FSTL4: variants seen among roughly 807,000 people sequenced by gnomAD.
FSTL4 encodes the protein follistatin like 4.
FSTL4 carries 28 observed loss-of-function variants against 78.2 expected under a neutral mutation model. The observed-to-expected ratio is 0.36, with a 90% CI of 0.27 to 0.49. The LOEUF (loss-of-function observed/expected upper bound fraction) is 0.49, where lower values mean the gene tolerates loss of function less well. Among genes scored for constraint, FSTL4 ranks in the 20% least tolerant of loss-of-function variants. The pLI is 0.98. For missense variants in FSTL4, 922 were observed against 1,084.9 expected (o/e 0.85, Z 2.11); for synonymous variants, 422 against 440.5 (o/e 0.96, Z 0.53).
intron 4 of FSTL4, among the ~76,000 whole-genome samples, chr5:133,395,245 T>C (rs1304376629): frequency 1.3e-5 from 2 of 152,146 alleles, no homozygotes; most frequent in Non-Finnish European, 2.9e-5. Flanking sequence ...TGCTCACTCT[T>C]TGGGTCCGCA....
At chr5:133,757,295 T>C in the FSTL4 span, among the ~76,000 whole-genome samples, 1 of 152,244 alleles carries the variant, frequency 6.6e-6, no homozygotes, top group African/African-American at 2.4e-5. Context: ...GTATAATCAA[T>C]ATAAACATTT....
At chr5:133,619,796 C>A in the FSTL4 span, among the ~76,000 whole-genome samples, 4 of 152,182 alleles carry the variant, frequency 2.6e-5, no homozygotes, top group Non-Finnish European at 2.9e-5. Flanking sequence ...GACCTGCAAG[C>A]CTTTCACTAC....
intron 11 of FSTL4, among the ~76,000 whole-genome samples, chr5:133,221,230 T>C (rs73790239): frequency 0.021 from 3,245 of 152,328 alleles, 121 homozygotes; most frequent in African/African-American, 0.073. Context: ...CACATCAGGA[T>C]GGATCAGTGG....
the FSTL4 span, among the ~76,000 whole-genome samples, chr5:133,724,897 C>G: frequency 6.6e-6 from 1 of 152,192 alleles, no homozygotes; most frequent in Non-Finnish European, 1.5e-5. Context: ...TTGTGCATGG[C>G]ATGAAGTAAA....
chr5:133,220,877 C>A lies in FSTL4; in HGVS notation c.1340-11G>T. The A allele has an allele frequency of 6.7e-7, 1 of 1,484,816 alleles. No homozygotes were observed. The allele number at this position is 1,484,816 out of a possible 1,614,324, so 92.0% of individuals were successfully genotyped here. On this transcript the variant is annotated splice_polypyrimidine_tract_variant and intron_variant, in intron 11 of 15. Coordinates refer to ENST00000265342, the MANE Select transcript of FSTL4 (RefSeq NM_015082.2). Reference sequence around the variant, plus strand: ...TTCCCACGCTGAGGCCTGGGAGGAGCAAATGGAATGGGCATGCCCTCCAAG... The same window carrying A: ...TTCCCACGCTGAGGCCTGGGAGGAGAAAATGGAATGGGCATGCCCTCCAAG...
chr5:133,745,806 G>A, the FSTL4 span, among the ~76,000 whole-genome samples: 1 of 152,356 alleles, frequency 6.6e-6, no homozygotes, highest in Non-Finnish European at 1.5e-5. Context: ...TCTGAGGTTA[G>A]ATCGATTCCA....
At chr5:133,302,751 C>A (rs890018280) in intron 6 of FSTL4, among the ~76,000 whole-genome samples, 1 of 152,222 alleles carries the variant, frequency 6.6e-6, no homozygotes, top group African/African-American at 2.4e-5. Flanking sequence ...GCTCACCCGG[C>A]GCATGCCACA....
intron 4 of FSTL4, among the ~76,000 whole-genome samples, chr5:133,354,314 C>G (rs921218453): frequency 5.9e-5 from 9 of 152,178 alleles, no homozygotes; most frequent in African/African-American, 2.2e-4. Flanking sequence ...GACAGAGGAG[C>G]GCACAATCCC....
At chr5:133,706,505 T>C in the FSTL4 span, among the ~76,000 whole-genome samples, 16 of 152,236 alleles carry the variant, frequency 1.1e-4, no homozygotes, top group Non-Finnish European at 2.2e-4. Flanking sequence ...TAATAACTGA[T>C]GAGACTGAAG....
chr5:133,476,538 G>T (rs1485659750), intron 3 of FSTL4, among the ~76,000 whole-genome samples: 1 of 152,198 alleles, frequency 6.6e-6, no homozygotes, highest in African/African-American at 2.4e-5. Flanking sequence ...TGCATGATGG[G>T]AAAGCTAGTT....
the FSTL4 span, among the ~76,000 whole-genome samples, chr5:133,741,487 G>A: frequency 2.0e-5 from 3 of 152,184 alleles, no homozygotes; most frequent in African/African-American, 4.8e-5. Flanking sequence ...AAACTTTCTC[G>A]GCAGAGGGTG....
intron 4 of FSTL4, among the ~76,000 whole-genome samples, chr5:133,390,241 C>A (rs1228723765): frequency 6.6e-6 from 1 of 152,248 alleles, no homozygotes; most frequent in African/African-American, 2.4e-5. Context: ...ATTTTAATTA[C>A]CTGCAAGCAA....
At chr5:133,404,736 T>C (rs1264271381) in intron 3 of FSTL4, among the ~76,000 whole-genome samples, 1 of 152,002 alleles carries the variant, frequency 6.6e-6, no homozygotes, top group Admixed American at 6.5e-5. Context: ...GTGGAAGGCA[T>C]AAAAGGAGGC....
At chr5:133,551,675 G>T (rs1759694161) in intron 3 of FSTL4, among the ~76,000 whole-genome samples, 1 of 152,174 alleles carries the variant, frequency 6.6e-6, no homozygotes, top group African/African-American at 2.4e-5. Flanking sequence ...GTATCTTTGG[G>T]ATAAACACAC....
chr5:133,759,552 A>G, the FSTL4 span, among the ~76,000 whole-genome samples: 1 of 152,236 alleles, frequency 6.6e-6, no homozygotes, highest in African/African-American at 2.4e-5. Context: ...ATGGCCTTAA[A>G]GTCCAACAAT....
the FSTL4 span, among the ~76,000 whole-genome samples, chr5:133,712,611 C>G: frequency 2.0e-5 from 3 of 152,224 alleles, no homozygotes; most frequent in African/African-American, 7.2e-5. Context: ...TAAAATTTCA[C>G]TTTGAGAAAC....
the FSTL4 span, among the ~76,000 whole-genome samples, chr5:133,698,302 G>A: frequency 6.6e-6 from 1 of 152,184 alleles, no homozygotes; most frequent in Admixed American, 6.5e-5. Context: ...CATCTGTACT[G>A]AGGGCTGAGC....
intron 3 of FSTL4, among the ~76,000 whole-genome samples, chr5:133,549,383 C>G (rs749465653): frequency 6.3e-4 from 96 of 152,074 alleles, no homozygotes; most frequent in Non-Finnish European, 9.4e-4. Context: ...TTTCAATTAC[C>G]TTTTTTAATT....
At chr5:133,711,816 A>G in the FSTL4 span, among the ~76,000 whole-genome samples, 1 of 152,158 alleles carries the variant, frequency 6.6e-6, no homozygotes, top group Admixed American at 6.5e-5. Context: ...AGGCCCAACC[A>G]TGGGTGCTGG....
Sources: gnomAD v4.1 joint callset for allele counts (sites outside exome capture counted in the v4.1 genomes callset) on GRCh38, gnomAD v4.1.1 for gene constraint, MANE v1.5 for transcripts, NCBI Gene and HGNC (gene_info 2026-07-23, HGNC 2026-07-21) for gene names.